SP140: variants seen among roughly 807,000 people sequenced by gnomAD.
SP140 encodes the protein SP140 nuclear body protein.
SP140 carries 81 observed loss-of-function variants against 125.0 expected under a neutral mutation model. That is an observed-to-expected ratio of 0.65 (90% CI 0.54 to 0.78). The LOEUF is 0.78. Among genes scored for constraint, SP140 ranks in the 30% least tolerant of loss-of-function variants. The pLI is 0.00. For synonymous variants in SP140, 312 were observed against 354.0 expected (o/e 0.88, Z 1.33); for missense variants, 858 against 1,037.0 (o/e 0.83, Z 2.37).
At chr2:230,285,492 C>T (rs1016921464) in intron 16 of SP140, among the ~76,000 whole-genome samples, 1 of 152,220 alleles carries the variant, frequency 6.6e-6, no homozygotes, top group Non-Finnish European at 1.5e-5. Context: ...ATCATTATAA[C>T]ATTTTCATTT....
At chr2:230,202,816 C>A, upstream of SP140, 1 of 1,198,488 alleles carries the variant, frequency 8.3e-7, no homozygotes, top group Non-Finnish European at 1.2e-6. Context: ...CCTTCTCATG[C>A]CCCTAACTCC....
chr2:230,214,915 T>C (rs765047238), intron 3 of SP140: 1 of 1,597,164 alleles, frequency 6.3e-7, no homozygotes, highest in South Asian at 1.1e-5. Flanking sequence ...ATAGCAACTT[T>C]TTAAATGCAA....
the SP140 span, among the ~76,000 whole-genome samples, chr2:230,194,192 G>C: frequency 6.6e-6 from 1 of 152,166 alleles, no homozygotes; most frequent in Non-Finnish European, 1.5e-5. Flanking sequence ...ATTCATGTTT[G>C]GGAGCTGGGA....
intron 12 of SP140, among the ~76,000 whole-genome samples, chr2:230,267,667 G>T (rs1230325359): frequency 6.6e-6 from 1 of 152,180 alleles, no homozygotes; most frequent in Non-Finnish European, 1.5e-5. Flanking sequence ...TGAACATTTT[G>T]TCGGGGAGAT....
upstream of SP140, chr2:230,200,887 T>G (rs762218275): frequency 1.2e-6 from 2 of 1,610,878 alleles, no homozygotes; most frequent in African/African-American, 2.7e-5. Flanking sequence ...AGTTTTACCT[T>G]GTGTGACCCT....
the SP140 span, among the ~76,000 whole-genome samples, chr2:230,194,324 G>T: frequency 6.6e-6 from 1 of 152,112 alleles, no homozygotes; most frequent in African/African-American, 2.4e-5. Context: ...AAAGGGGCCA[G>T]GTGCAGGGGC....
Position 230,204,165 on chromosome 2 carries a change from C to A in SP140, c.-323+886C>A, listed in dbSNP as rs529713100. ...AATCTGGAAGGGACTGGAGTCTACT[C>A]CTTTCGGTAGCTTGGCAGAGAGATG... On this transcript the variant is annotated intron_variant, in intron 1 of 4. Transcript: ENST00000456542. 1.0e-3 allele frequency among the ~76,000 whole-genome samples: 155 copies of A among 152,330 alleles called. 1 individual carries two copies. Among genetic ancestry groups the A allele is most frequent in the African/African-American group, 3.6e-3 (148 of 41,578 alleles).
intron 1 of SP140, chr2:230,208,153 C>T (rs2044082884): frequency 3.9e-6 from 3 of 760,206 alleles, no homozygotes; most frequent in Non-Finnish European, 6.8e-6. Context: ...GTCTTCAAAC[C>T]ACATTGCTAG....
intron 1 of SP140, among the ~76,000 whole-genome samples, chr2:230,226,508 T>C (rs13397985): frequency 1.3e-5 from 2 of 152,104 alleles, no homozygotes; most frequent in African/African-American, 4.8e-5. Context: ...TGGTATTTTT[T>C]ACATATCTGG....
At chr2:230,218,241 A>T (rs1265249918) in intron 3 of SP140, among the ~76,000 whole-genome samples, 1 of 152,268 alleles carries the variant, frequency 6.6e-6, no homozygotes, top group Non-Finnish European at 1.5e-5. Context: ...CAGAAAAGTA[A>T]ATCGTAATTA....
intron 3 of SP140, 177 bp downstream of exon 3, chr2:230,238,558 T>C (rs927570222): frequency 1.2e-5 from 9 of 760,052 alleles, no homozygotes; most frequent in Non-Finnish European, 1.9e-5. Flanking sequence ...GGAGTTTACA[T>C]ACAGTGGGAG....
At chr2:230,309,889 G>A (rs1197674182) in intron 22 of SP140, 35 bp from the exon 23 acceptor site, 3 of 1,610,120 alleles carry the variant, frequency 1.9e-6, no homozygotes, top group East Asian at 2.2e-5. Flanking sequence ...GAATCTTGCG[G>A]TTCCCAGTGA....
chr2:230,238,726 T>C, intron 3 of SP140: 1 of 1,452,920 alleles, frequency 6.9e-7, no homozygotes, highest in Non-Finnish European at 9.4e-7. Context: ...TATTTGCAGA[T>C]ATGTTCAAAG....
upstream of SP140, among the ~76,000 whole-genome samples, chr2:230,199,128 C>CTATTAT (rs200457151): frequency 7.1e-6 from 1 of 140,286 alleles, no homozygotes; most frequent in African/African-American, 2.8e-5. Flanking sequence ...GCTTTAGCTA[C>CTATTAT]TATTATTATT....
At chr2:230,298,783 A>G (rs889424945) in intron 22 of SP140, among the ~76,000 whole-genome samples, 1 of 152,244 alleles carries the variant, frequency 6.6e-6, no homozygotes, top group Non-Finnish European at 1.5e-5. Flanking sequence ...TGGGGAAATT[A>G]TAATTTAATC....
chr2:230,265,105 G>A (rs1008912470), intron 12 of SP140, among the ~76,000 whole-genome samples: 3 of 152,060 alleles, frequency 2.0e-5, no homozygotes, highest in African/African-American at 7.2e-5. Flanking sequence ...GGCTAGGCAT[G>A]TCTGAGCTAA....
intron 12 of SP140, among the ~76,000 whole-genome samples, chr2:230,261,211 G>A (rs2052177571): frequency 6.6e-6 from 1 of 152,024 alleles, no homozygotes; most frequent in Non-Finnish European, 1.5e-5. Context: ...TTGTTTTGCA[G>A]CTATTGTAAA....
intron 1 of SP140, chr2:230,208,180 T>A: frequency 1.5e-6 from 1 of 666,106 alleles, no homozygotes. Flanking sequence ...ATTGGTGACC[T>A]TAGGTGATGG....
chr2:230,206,763 G>T (rs2043907738), intron 1 of SP140, among the ~76,000 whole-genome samples: 2 of 150,952 alleles, frequency 1.3e-5, no homozygotes. Context: ...TATAAATATA[G>T]GAAATACTTG....
Sources: gnomAD v4.1 joint callset for allele counts (sites outside exome capture counted in the v4.1 genomes callset) on GRCh38, gnomAD v4.1.1 for gene constraint, MANE v1.5 for transcripts, NCBI Gene and HGNC (gene_info 2026-07-23, HGNC 2026-07-21) for gene names.